BACE2: variants seen among roughly 807,000 people sequenced by gnomAD.
The protein encoded by BACE2 is 56 kDa aspartic-like protease.
Under a neutral mutation model 46.2 loss-of-function variants are expected in BACE2, and 17 were observed. That is an observed-to-expected ratio of 0.37 (90% CI 0.25 to 0.55). The LOEUF (loss-of-function observed/expected upper bound fraction) is 0.55. Ranked by LOEUF, BACE2 falls within the 20% of genes least tolerant of loss-of-function variation. The pLI is 0.82. For missense variants in BACE2, 595 were observed against 698.1 expected (o/e 0.85, Z 1.66); for synonymous variants, 277 against 295.9 (o/e 0.94, Z 0.66).
chr21:41,208,198 A>C (rs745501818), intron 1 of BACE2, among the ~76,000 whole-genome samples: 7 of 152,220 alleles, frequency 4.6e-5, no homozygotes, highest in Non-Finnish European at 1.0e-4. Context: ...ACACCTTTCT[A>C]AGGGTGGTGG....
chr21:41,263,866 A>G (rs1438386638), intron 8 of BACE2, among the ~76,000 whole-genome samples: 1 of 152,236 alleles, frequency 6.6e-6, no homozygotes, highest in African/African-American at 2.4e-5. Context: ...CACTCTCTGA[A>G]TCTGACAACT....
chr21:41,206,842 T>A (rs1209279798), intron 1 of BACE2, among the ~76,000 whole-genome samples: 1 of 151,830 alleles, frequency 6.6e-6, no homozygotes, highest in Admixed American at 6.5e-5. Flanking sequence ...TCTAGAATAA[T>A]TGCAAGGAGT....
chr21:41,216,263 A>G (rs1986463503), intron 1 of BACE2, among the ~76,000 whole-genome samples: 1 of 152,224 alleles, frequency 6.6e-6, no homozygotes, highest in African/African-American at 2.4e-5. Context: ...TGTACAGCCC[A>G]GAGCGTTTAC....
At position 41,276,945 on chromosome 21, in the gene BACE2, A is replaced by T. The variant is rs1220294876; in HGVS notation, c.*1321A>T. 1 of 152,118 alleles carries T rather than the reference A, an allele frequency of 6.6e-6. No homozygotes were observed. The highest frequency in any genetic ancestry group is 1.9e-4 in the East Asian group (1 of 5,170). The allele number at this position is 152,118 out of a possible 1,614,324, so 9.4% of individuals were successfully genotyped here. ...GGGCAGTCCCTACTTTCTGTCACTT[A>T]TCGAGGCCTTTGCCAAAGAAAAGTG... On this transcript the variant is annotated 3_prime_UTR_variant, in exon 9 of 9. Transcript: ENST00000330333.
chr21:41,200,860 C>T lies in BACE2; in HGVS notation c.313-25406C>T, dbSNP rs546384598. Among the ~76,000 whole-genome samples, 38 of 152,322 alleles carry T rather than the reference C, an allele frequency of 2.5e-4. No individual in the cohort carries two copies. In the Middle Eastern group the frequency reaches 0.01, roughly 41 times the overall value. On this transcript the variant is annotated intron_variant, in intron 1 of 8. Transcript: ENST00000330333. Reference sequence around the variant, plus strand: ...ATCTGAGACTTCCGGCCTCCACAACCGTGAGAAGATACGTGTCCGTTGTTT... The same window carrying T: ...ATCTGAGACTTCCGGCCTCCACAACTGTGAGAAGATACGTGTCCGTTGTTT...
At chr21:41,230,807 A>G (rs1277767927) in intron 2 of BACE2, among the ~76,000 whole-genome samples, 1 of 152,206 alleles carries the variant, frequency 6.6e-6, no homozygotes, top group Non-Finnish European at 1.5e-5. Context: ...TGAATGTTCC[A>G]ATGAGTTACT....
intron 1 of BACE2, among the ~76,000 whole-genome samples, chr21:41,173,122 T>TCA (rs1036326661): frequency 6.6e-6 from 1 of 152,234 alleles, no homozygotes; most frequent in African/African-American, 2.4e-5. Flanking sequence ...AAGGTTAAGT[T>TCA]CACAGGTACC....
chr21:41,234,537 C>T (rs187041141), intron 2 of BACE2, among the ~76,000 whole-genome samples: 25 of 152,314 alleles, frequency 1.6e-4, no homozygotes, highest in Non-Finnish European at 2.9e-4. Flanking sequence ...GGCCTACAAA[C>T]CTAAAACGTC....
intron 3 of BACE2, among the ~76,000 whole-genome samples, chr21:41,241,129 C>T (rs1274515060): frequency 2.0e-5 from 3 of 152,120 alleles, no homozygotes; most frequent in East Asian, 1.9e-4. Flanking sequence ...CGGACCTTCC[C>T]GCTTCCCTTT....
At chr21:41,251,629 C>T (rs1430042370) in intron 7 of BACE2, among the ~76,000 whole-genome samples, 12 of 152,046 alleles carry the variant, frequency 7.9e-5, no homozygotes, top group African/African-American at 2.7e-4. Context: ...GGCAAAACCC[C>T]GTCTCTGCTA....
rs1199594472 is a variant in BACE2 at position 41,275,789 on chromosome 21, A to G, written c.*165A>G. ...TAGATTCACTGTCTTTTGATTCTTG[A>G]TTTTCAAGCTTTCAAATCCTCCCTA... On this transcript the variant is annotated 3_prime_UTR_variant, in exon 9 of 9. Transcript: ENST00000330333. 3.6e-6 allele frequency: 3 copies of G among 830,380 alleles called. No homozygotes were observed. Among genetic ancestry groups the G allele is most frequent in the Non-Finnish European group, 5.4e-6 (3 of 552,802 alleles). 51.4% of individuals were successfully genotyped at this position (830,380 alleles called of 1,614,324 possible). A position where few individuals can be genotyped will look rare whatever the true frequency, so the allele number is the denominator to read the frequency against.
At chr21:41,210,941 A>G (rs974579353) in intron 1 of BACE2, among the ~76,000 whole-genome samples, 1 of 152,076 alleles carries the variant, frequency 6.6e-6, no homozygotes, top group Admixed American at 6.5e-5. Context: ...CTCCTTCCCC[A>G]ACCCCTCCTC....
At chr21:41,224,271 G>A (rs1386088927) in intron 1 of BACE2, among the ~76,000 whole-genome samples, 1 of 133,702 alleles carries the variant, frequency 7.5e-6, no homozygotes, top group African/African-American at 3.0e-5. Flanking sequence ...CTGGAATGCA[G>A]TGGTGCGATC....
chr21:41,196,404 A>G (rs935440912), intron 1 of BACE2, among the ~76,000 whole-genome samples: 1 of 152,246 alleles, frequency 6.6e-6, no homozygotes, highest in Non-Finnish European at 1.5e-5. Context: ...AGCAATTCAC[A>G]AGGCTATTCA....
chr21:41,264,189 C>A (rs948782575), intron 8 of BACE2, among the ~76,000 whole-genome samples: 6 of 150,462 alleles, frequency 4.0e-5, no homozygotes, highest in Admixed American at 1.3e-4. Flanking sequence ...TTTTTGGATT[C>A]TTTAATTGTC....
At chr21:41,180,632 A>G (rs1265654903) in intron 1 of BACE2, 2 of 167,126 alleles carry the variant, frequency 1.2e-5, no homozygotes, top group Non-Finnish European at 2.9e-5. Context: ...ATTTGTAACA[A>G]GACAGTTGTC....
intron 1 of BACE2, among the ~76,000 whole-genome samples, chr21:41,170,645 T>C (rs566098599): frequency 9.8e-5 from 15 of 152,296 alleles, no homozygotes; most frequent in African/African-American, 3.4e-4. Context: ...AGCAGTGAGG[T>C]GACTTCTGAA....
rs760493470 is a variant in BACE2 at position 41,250,905 on chromosome 21, T to C, written c.1134+4T>C. The C allele has an allele frequency of 6.2e-7, 1 of 1,613,920 alleles. No homozygotes were observed. Among genetic ancestry groups the C allele is most frequent in the Non-Finnish European group, 8.5e-7 (1 of 1,179,916 alleles). ...CCGTATCACAATCCTGCCTCAGGTATGAACTTGGATTTGTGCTTTGCTCTT... is the reference window on the plus strand; with the variant it reads ...CCGTATCACAATCCTGCCTCAGGTACGAACTTGGATTTGTGCTTTGCTCTT... On this transcript the variant is annotated splice_donor_region_variant and intron_variant, in intron 7 of 8. Coordinates refer to ENST00000330333, the MANE Select transcript of BACE2 (RefSeq NM_012105.5).
chr21:41,239,615 T>C (rs1987231160), intron 3 of BACE2, among the ~76,000 whole-genome samples: 1 of 152,170 alleles, frequency 6.6e-6, no homozygotes. Context: ...TGAGCTCAAG[T>C]GATCCATTCA....
Sources: allele counts gnomAD v4.1 joint callset (sites outside exome capture counted in the v4.1 genomes callset), GRCh38; gene constraint gnomAD v4.1.1; transcripts MANE v1.5; gene names NCBI Gene and HGNC (gene_info 2026-07-23, HGNC 2026-07-21).